Variants in GSK3B observed in about 807,000 individuals in gnomAD.
GSK3B encodes the protein glycogen synthase kinase 3 beta.
GSK3B carries 15 observed loss-of-function variants against 56.4 expected under a neutral mutation model. The ratio of observed to expected loss-of-function variants is 0.27; its 90% CI spans 0.18 to 0.41. The LOEUF is 0.41. GSK3B is among the 10% of genes least tolerant of loss of function. The pLI is 1.00. For missense variants in GSK3B, 300 were observed against 513.4 expected, an observed-to-expected ratio of 0.58 and a Z score of 4.02; for synonymous variants, 181 against 188.9, an observed-to-expected ratio of 0.96 and a Z score of 0.34.
At chr3:119,893,394 T>C (rs992697003) in intron 7 of GSK3B, among the ~76,000 whole-genome samples, 9 of 152,142 alleles carry the variant, frequency 5.9e-5, no homozygotes, top group African/African-American at 2.2e-4. Flanking sequence ...CTATACTATA[T>C]GATTACAAGT....
chr3:120,018,806 C>T (rs564835669), intron 1 of GSK3B, among the ~76,000 whole-genome samples: 22 of 152,190 alleles, frequency 1.4e-4, no homozygotes, highest in Admixed American at 3.9e-4. Context: ...TCATCTAAAA[C>T]GAGTAAAAAG....
At chr3:119,886,487 C>A (rs375516580) in intron 7 of GSK3B, among the ~76,000 whole-genome samples, 1 of 151,964 alleles carries the variant, frequency 6.6e-6, no homozygotes, top group Non-Finnish European at 1.5e-5. Context: ...TTAGAGATTT[C>A]TCAAATAACT....
At chr3:119,870,007 A>G (rs895962939) in intron 8 of GSK3B, among the ~76,000 whole-genome samples, 54 of 152,344 alleles carry the variant, frequency 3.5e-4, no homozygotes, top group African/African-American at 1.1e-3. Flanking sequence ...TGGCTCTCCT[A>G]TGAATATAGA....
At chr3:119,890,798 C>A (rs2108064727) in intron 7 of GSK3B, among the ~76,000 whole-genome samples, 1 of 146,838 alleles carries the variant, frequency 6.8e-6, no homozygotes, top group Non-Finnish European at 1.5e-5. Flanking sequence ...TTACTAAATG[C>A]AAACAGAAGT....
chr3:119,894,140 G>A (rs2056535546), intron 7 of GSK3B, among the ~76,000 whole-genome samples: 2 of 152,028 alleles, frequency 1.3e-5, no homozygotes, highest in Admixed American at 1.3e-4. Flanking sequence ...ATAATATGTG[G>A]CCTTTCGTGT....
intron 10 of GSK3B, among the ~76,000 whole-genome samples, chr3:119,834,314 T>C (rs2055654525): frequency 6.6e-6 from 1 of 152,196 alleles, no homozygotes; most frequent in Non-Finnish European, 1.5e-5. Flanking sequence ...AGAATCAAAG[T>C]ATACCCTAAA....
At chr3:120,047,875 T>C (rs2058116524) in intron 1 of GSK3B, among the ~76,000 whole-genome samples, 1 of 152,200 alleles carries the variant, frequency 6.6e-6, no homozygotes, top group South Asian at 2.1e-4. Context: ...ATCTGGGTGT[T>C]GTATTCACTG....
chr3:119,965,855 G>A lies in GSK3B; in HGVS notation c.283-18504C>T, dbSNP rs564751262. 6.6e-5 allele frequency among the ~76,000 whole-genome samples: 10 copies of A among 151,778 alleles called. No homozygotes were observed. The East Asian group carries it at 9.6e-4, about 15-fold the overall frequency. On this transcript the variant is annotated intron_variant, in intron 2 of 10. Coordinates refer to ENST00000264235, the MANE Select transcript of GSK3B (RefSeq NM_001146156.2). ...CAAGAGTTGGGTAGTAACATGGTCAGTGCCTAGATAAACACTCTCCTCAAT... is the reference window on the plus strand; with the variant it reads ...CAAGAGTTGGGTAGTAACATGGTCAATGCCTAGATAAACACTCTCCTCAAT...
At chr3:120,010,966 G>C (rs1181214809) in intron 1 of GSK3B, among the ~76,000 whole-genome samples, 1 of 152,152 alleles carries the variant, frequency 6.6e-6, no homozygotes, top group Non-Finnish European at 1.5e-5. Flanking sequence ...TACAAGGGAG[G>C]CTGAGGCACA....
At chr3:119,983,772 C>T (rs960919237) in intron 2 of GSK3B, among the ~76,000 whole-genome samples, 3 of 152,168 alleles carry the variant, frequency 2.0e-5, no homozygotes, top group Non-Finnish European at 2.9e-5. Context: ...GACTTTAACA[C>T]CCCACTGTCA....
intron 2 of GSK3B, among the ~76,000 whole-genome samples, chr3:119,955,653 T>C (rs550580108): frequency 9.3e-4 from 82 of 88,314 alleles, no homozygotes; most frequent in African/African-American, 4.1e-3. Flanking sequence ...TTTGTTTTTG[T>C]TGTTGTTGTT....
chr3:119,916,809 AT>A (rs1462443724), intron 4 of GSK3B, among the ~76,000 whole-genome samples: 1 of 152,218 alleles, frequency 6.6e-6, no homozygotes, highest in Non-Finnish European at 1.5e-5. Flanking sequence ...CAGAAAAAGT[AT>A]AATTCAAAAT....
chr3:119,900,620 T>A (rs987961555), intron 7 of GSK3B, among the ~76,000 whole-genome samples: 1 of 152,146 alleles, frequency 6.6e-6, no homozygotes, highest in African/African-American at 2.4e-5. Flanking sequence ...ACACCTGTCA[T>A]TTATGTAAGA....
intron 8 of GSK3B, chr3:119,866,652 TA>T: frequency 6.5e-7 from 1 of 1,547,368 alleles, no homozygotes; most frequent in Non-Finnish European, 8.9e-7. Flanking sequence ...TGCAGTGAAA[TA>T]ATCCAAACAG....
chr3:119,878,343 TG>T (rs993439929), intron 7 of GSK3B, among the ~76,000 whole-genome samples: 1 of 152,090 alleles, frequency 6.6e-6, no homozygotes, highest in African/African-American at 2.4e-5. Context: ...GACAGAGAGA[TG>T]GCAAATAAGC....
intron 4 of GSK3B, among the ~76,000 whole-genome samples, chr3:119,920,087 A>G (rs555501978): frequency 2.6e-5 from 4 of 152,240 alleles, no homozygotes; most frequent in Non-Finnish European, 4.4e-5. Flanking sequence ...TTCTTTGAAC[A>G]TACCTTGTTT....
chr3:119,955,335 G>A (rs948700870), intron 2 of GSK3B, among the ~76,000 whole-genome samples: 1 of 151,326 alleles, frequency 6.6e-6, no homozygotes, highest in African/African-American at 2.4e-5. Context: ...TGGATATTTT[G>A]TTCCATGCAT....
chr3:119,835,661 T>C (rs2055679919), intron 10 of GSK3B, among the ~76,000 whole-genome samples: 1 of 152,224 alleles, frequency 6.6e-6, no homozygotes, highest in African/African-American at 2.4e-5. Context: ...TAGACAAAAA[T>C]GCCTGCTTTT....
chr3:120,090,966 C>G (rs1697686770), intron 1 of GSK3B, among the ~76,000 whole-genome samples: 1 of 152,140 alleles, frequency 6.6e-6, no homozygotes, highest in South Asian at 2.1e-4. Context: ...CCTTGGTACA[C>G]TCCTTCCACC....
Sources: allele counts gnomAD v4.1 joint callset (sites outside exome capture counted in the v4.1 genomes callset), GRCh38; gene constraint gnomAD v4.1.1; transcripts MANE v1.5; gene names NCBI Gene and HGNC (gene_info 2026-07-23, HGNC 2026-07-21).